Variants in ZDHHC17 observed in about 807,000 individuals in gnomAD.
ZDHHC17 encodes the protein zDHHC palmitoyltransferase 17.
Under a neutral mutation model 90.3 loss-of-function variants are expected in ZDHHC17, and 40 were observed. The ratio of observed to expected loss-of-function variants is 0.44; its 90% confidence interval spans 0.34 to 0.58. The LOEUF (loss-of-function observed/expected upper bound fraction) is 0.58, where lower values mean the gene tolerates loss of function less well. ZDHHC17 is among the 20% of genes least tolerant of loss of function. ZDHHC17 has a pLI of 0.01. For synonymous variants in ZDHHC17, 235 were observed against 252.4 expected, an observed-to-expected ratio of 0.93 and a Z score of 0.65; for missense variants, 614 against 780.8, an observed-to-expected ratio of 0.79 and a Z score of 2.55.
intron 5 of ZDHHC17, among the ~76,000 whole-genome samples, chr12:76,811,691 G>T (rs1267534742): frequency 2.0e-5 from 3 of 151,540 alleles, no homozygotes; most frequent in Middle Eastern, 3.4e-3. Flanking sequence ...AGGCATAATA[G>T]AATATGACTT....
At chr12:76,805,604 A>G (rs1295375717) in intron 3 of ZDHHC17, among the ~76,000 whole-genome samples, 165 bp downstream of exon 3, 1 of 152,202 alleles carries the variant, frequency 6.6e-6, no homozygotes, top group African/African-American at 2.4e-5. Context: ...CTTTTAACTT[A>G]TATTGAATGC....
intron 2 of ZDHHC17, 23 bp downstream of exon 2, chr12:76,797,560 T>G (rs1411542224): frequency 1.3e-6 from 2 of 1,533,490 alleles, no homozygotes; most frequent in South Asian, 2.5e-5. Context: ...TTGTAGTTGT[T>G]TTCTTTGGCA....
At chr12:76,813,933 A>G (rs1172875240) in intron 5 of ZDHHC17, among the ~76,000 whole-genome samples, 1 of 152,106 alleles carries the variant, frequency 6.6e-6, no homozygotes, top group African/African-American at 2.4e-5. Context: ...AGTCAAAACC[A>G]TGTCTTATTC....
At chr12:76,787,647 TTG>T (rs749838931) in intron 1 of ZDHHC17, among the ~76,000 whole-genome samples, 1,674 of 151,020 alleles carry the variant, frequency 0.011, 11 homozygotes, top group Non-Finnish European at 0.017. Context: ...TCTCTGTCTC[TTG>T]TGTGTGTGTG....
intron 1 of ZDHHC17, among the ~76,000 whole-genome samples, chr12:76,789,516 G>T (rs150591790): frequency 1.3e-5 from 2 of 152,314 alleles, no homozygotes; most frequent in African/African-American, 4.8e-5. Context: ...GGTATATGCA[G>T]TGGTATATAT....
At chr12:76,794,278 T>TC (rs200340749) in intron 1 of ZDHHC17, among the ~76,000 whole-genome samples, 1,676 of 152,320 alleles carry the variant, frequency 0.011, 11 homozygotes, top group Non-Finnish European at 0.017. Flanking sequence ...TTAAAAATTA[T>TC]TATCTATGTT....
At chr12:76,813,395 A>G (rs756473376) in intron 5 of ZDHHC17, 3 of 447,940 alleles carry the variant, frequency 6.7e-6, no homozygotes, top group South Asian at 4.8e-5. Flanking sequence ...ATTAAAGTAA[A>G]TCCAGAAATG....
At chr12:76,833,540 C>A (rs1447940691) in intron 10 of ZDHHC17, among the ~76,000 whole-genome samples, 1 of 152,238 alleles carries the variant, frequency 6.6e-6, no homozygotes, top group Admixed American at 6.5e-5. Flanking sequence ...CGCCTGTAAT[C>A]CCAGCACTTT....
rs1176463768 is a variant in ZDHHC17, at chr12:76,845,719, C to T, written c.1340C>T (p.Pro447Leu). ...CATGCCTATTAACAGATACGAAAAC[C>T]GGTGAGGTCCAAACATTGTGGTGTG... Reference protein sequence around the residue: ...IFCSTCLIRKPVRSKHCGVCN... With the variant: ...IFCSTCLIRKLVRSKHCGVCN... Residue 447 changes from proline (P) to leucine (L), a missense_variant, in exon 13 of 17, where the codon CCG (proline) becomes CTG (leucine). Around this residue, in one of 5 missense-constraint regions of ZDHHC17, gnomAD observed 117 missense variants for 183.6 expected, o/e 0.64. Transcript: ENST00000426126. 6 of 1,600,698 alleles carry T rather than the reference C, an allele frequency of 3.7e-6. No homozygotes were observed. The highest frequency in any genetic ancestry group is 2.3e-5 in the East Asian group (1 of 44,180).
chr12:76,821,122 A>G (rs1427161509), intron 7 of ZDHHC17: 1 of 1,287,446 alleles, frequency 7.8e-7, no homozygotes. Flanking sequence ...AGGCAACTGC[A>G]GGATATTCCC....
intron 1 of ZDHHC17, among the ~76,000 whole-genome samples, chr12:76,767,140 A>G (rs1025974863): frequency 2.0e-5 from 3 of 152,192 alleles, no homozygotes; most frequent in Admixed American, 6.5e-5. Flanking sequence ...GTGCTCAGTT[A>G]ATGTTACTTC....
At chr12:76,815,798 T>A in intron 6 of ZDHHC17, 59 bp from the exon 7 acceptor site, 1 of 1,428,088 alleles carries the variant, frequency 7.0e-7, no homozygotes, top group Non-Finnish European at 9.2e-7. Flanking sequence ...TTGTAATGAT[T>A]TCTATAATTG....
intron 11 of ZDHHC17, 101 bp from the exon 12 acceptor site, chr12:76,842,818 A>C: frequency 1.2e-6 from 1 of 818,224 alleles, no homozygotes; most frequent in Non-Finnish European, 1.9e-6. Context: ...AAACATCAGT[A>C]AATTAAAGAT....
chr12:76,798,252 T>G (rs1952846522), intron 2 of ZDHHC17, among the ~76,000 whole-genome samples: 1 of 152,192 alleles, frequency 6.6e-6, no homozygotes, highest in African/African-American at 2.4e-5. Flanking sequence ...TATCACAGTT[T>G]TCTAAAATAT....
chr12:76,810,860 T>C (rs1953011019), intron 5 of ZDHHC17, among the ~76,000 whole-genome samples: 1 of 152,196 alleles, frequency 6.6e-6, no homozygotes, highest in South Asian at 2.1e-4. Context: ...TCTGGCGGCT[T>C]GACTGAGCTG....
At chr12:76,847,831 C>A (rs1413799984) in intron 14 of ZDHHC17, among the ~76,000 whole-genome samples, 1 of 152,124 alleles carries the variant, frequency 6.6e-6, no homozygotes, top group East Asian at 1.9e-4. Context: ...GCACTCCAGC[C>A]TGGGTGACAG....
At chr12:76,806,075 A>G (rs1489345736) in intron 3 of ZDHHC17, among the ~76,000 whole-genome samples, 1 of 152,196 alleles carries the variant, frequency 6.6e-6, no homozygotes, top group Non-Finnish European at 1.5e-5. Flanking sequence ...GACACTTTGG[A>G]CACAAAATAT....
Position 76,788,257 on chromosome 12 carries a change from C to G in ZDHHC17, c.94-9177C>G, listed in dbSNP as rs555124388. On this transcript the variant is annotated intron_variant, in intron 1 of 16. Transcript: ENST00000426126. ...AACTTGTTCTCTGAAAGCAACAGATCCTTTTTATTCATATTCCATTGGTTA... is the reference window on the plus strand; with the variant it reads ...AACTTGTTCTCTGAAAGCAACAGATGCTTTTTATTCATATTCCATTGGTTA... Among the ~76,000 whole-genome samples the G allele has an allele frequency of 3.3e-4, 51 of 152,268 alleles. 2 individuals carry two copies. Among genetic ancestry groups the G allele is most frequent in the Middle Eastern group, 6.8e-3 (2 of 294 alleles).
intron 8 of ZDHHC17, among the ~76,000 whole-genome samples, chr12:76,824,101 C>A (rs1436207178): frequency 1.3e-5 from 2 of 152,030 alleles, no homozygotes; most frequent in Non-Finnish European, 2.9e-5. Context: ...TATTCACACA[C>A]ACACATATAG....
Sources: allele counts gnomAD v4.1 joint callset (sites outside exome capture counted in the v4.1 genomes callset), GRCh38; gene constraint gnomAD v4.1.1; regional missense constraint gnomAD v4.1.1; transcripts MANE v1.5; gene names NCBI Gene and HGNC (gene_info 2026-07-23, HGNC 2026-07-21).